ARID2: variants seen among roughly 807,000 people sequenced by gnomAD.
The protein encoded by ARID2 is AT-rich interaction domain 2.
A neutral mutation model predicts 184.6 loss-of-function variants in ARID2; 32 were observed. The observed-to-expected ratio is 0.17, with a 90% CI of 0.13 to 0.23. The LOEUF is 0.23. Ranked by LOEUF, ARID2 falls within the 10% of genes least tolerant of loss-of-function variation. The probability of loss-of-function intolerance (pLI) is 1.00; values close to 1 mark genes in which losing one functional copy is unlikely to be tolerated. For synonymous variants in ARID2, 836 were observed against 772.6 expected, an observed-to-expected ratio of 1.08 and a Z score of -1.36; for missense variants, 1,696 against 2,197.6, an observed-to-expected ratio of 0.77 and a Z score of 4.56.
rs149131176 is a variant in ARID2, at chr12:45,820,616, T to C, written c.638-804T>C. The stretch of plus-strand genomic sequence containing the variant: ...GCAGTAACTTTCATTACGGAGCTAA[T>C]GTGATAGTTGATAAAGGATTCACTT... On this transcript the variant is annotated intron_variant, in intron 5 of 20. Coordinates refer to ENST00000334344, the MANE Select transcript of ARID2 (RefSeq NM_152641.4). Among the ~76,000 whole-genome samples, 1,375 of 152,336 alleles carry C rather than the reference T, an allele frequency of 9.0e-3. 11 individuals carry two copies. The highest frequency in any genetic ancestry group is 0.017 in the Middle Eastern group (5 of 294).
At chr12:45,755,200 G>T in intron 3 of ARID2, among the ~76,000 whole-genome samples, 1 of 152,222 alleles carries the variant, frequency 6.6e-6, no homozygotes, top group Non-Finnish European at 1.5e-5. Flanking sequence ...TCTGCATATA[G>T]TGAGGATGTG....
chr12:45,855,406 T>A (rs1229607037), intron 15 of ARID2, among the ~76,000 whole-genome samples: 1 of 152,158 alleles, frequency 6.6e-6, no homozygotes, highest in Non-Finnish European at 1.5e-5. Context: ...AATTTAAAAC[T>A]TTGCAAGGAA....
At chr12:45,841,739 T>C (rs927825785) in intron 11 of ARID2, 1 of 152,176 alleles carries the variant, frequency 6.6e-6, no homozygotes, top group African/African-American at 2.4e-5. Context: ...ATACCATCAT[T>C]CATTTTTTAA....
At chr12:45,750,586 T>C (rs866748895) in intron 3 of ARID2, among the ~76,000 whole-genome samples, 6 of 152,312 alleles carry the variant, frequency 3.9e-5, no homozygotes, top group Middle Eastern at 3.4e-3. Flanking sequence ...TATGCCTGTA[T>C]TGACTTTGTT....
chr12:45,885,260 G>A (rs181644578), intron 16 of ARID2, among the ~76,000 whole-genome samples: 2 of 152,100 alleles, frequency 1.3e-5, no homozygotes, highest in African/African-American at 4.8e-5. Context: ...GATGCCAAGG[G>A]TTGAGGTACA....
At chr12:45,741,794 T>C (rs1230034854) in intron 3 of ARID2, among the ~76,000 whole-genome samples, 1 of 152,200 alleles carries the variant, frequency 6.6e-6, no homozygotes, top group Admixed American at 6.5e-5. Flanking sequence ...TGCGGAATGG[T>C]ATATAGAAAC....
intron 16 of ARID2, among the ~76,000 whole-genome samples, chr12:45,887,664 A>C (rs1944217443): frequency 6.6e-6 from 1 of 152,232 alleles, no homozygotes; most frequent in African/African-American, 2.4e-5. Flanking sequence ...AGTGAGATGG[A>C]GTCCTGCTAA....
At chr12:45,755,570 A>G (rs1046115984) in intron 3 of ARID2, among the ~76,000 whole-genome samples, 7 of 152,230 alleles carry the variant, frequency 4.6e-5, no homozygotes, top group Non-Finnish European at 1.0e-4. Context: ...TCTACTTACT[A>G]GGAAATTGGA....
intron 6 of ARID2, among the ~76,000 whole-genome samples, chr12:45,833,253 G>A (rs1943155402): frequency 6.6e-6 from 1 of 152,010 alleles, no homozygotes; most frequent in Non-Finnish European, 1.5e-5. Context: ...GACTTACTAT[G>A]GGTTTATTGG....
rs760781425 is a variant in ARID2 at position 45,817,680 on chromosome 12, T to C, written c.429T>C (p.Arg143=). 1 of 1,605,460 alleles carries C rather than the reference T, an allele frequency of 6.2e-7. No homozygotes were observed. The highest frequency in any genetic ancestry group is 8.5e-7 in the Non-Finnish European group (1 of 1,177,724). ...TTTTTTCTTTGTTAGATTATCTGCG[T>C]CAAAGTTATGGGCTGTCCATGGACT... ...YQQHSVSDYL[R]QSYGLSMDFN... Residue 143 remains arginine (R), a synonymous_variant, in exon 5 of 21, where the codon CGT becomes CGC. Coordinates refer to ENST00000334344, the MANE Select transcript of ARID2 (RefSeq NM_152641.4).
In ARID2 at chr12:45,742,258, TTTTAC is replaced by T. The variant is rs540663626; in HGVS notation, c.284+10950_284+10954del. Among the ~76,000 whole-genome samples, 217 of 152,360 alleles carry T rather than the reference TTTTAC, an allele frequency of 1.4e-3. 1 individual carries two copies. Among genetic ancestry groups the T allele is most frequent in the African/African-American group, 5.1e-3 (214 of 41,580 alleles). ...CTGTGTTTTCATAAGAATATAATAT[TTTTAC>T]TTTACCTTTTCTGTGTTTAGATATG... is the stretch of plus-strand genomic sequence containing the variant. On this transcript the variant is annotated intron_variant, in intron 3 of 20. Transcript: ENST00000334344.
intron 11 of ARID2, chr12:45,841,261 G>T (rs1943338140): frequency 6.6e-6 from 1 of 152,188 alleles, no homozygotes; most frequent in Admixed American, 6.5e-5. Flanking sequence ...TTTGACCTCA[G>T]CAAATGAACC....
intron 3 of ARID2, among the ~76,000 whole-genome samples, 165 bp from the exon 4 acceptor site, chr12:45,811,253 A>T (rs1337737550): frequency 1.3e-5 from 2 of 151,758 alleles, no homozygotes; most frequent in Non-Finnish European, 2.9e-5. Context: ...TCTGCGGTTT[A>T]TCTTACTCTA....
chr12:45,751,017 TAG>T (rs1941454552), intron 3 of ARID2, among the ~76,000 whole-genome samples: 1 of 152,318 alleles, frequency 6.6e-6, no homozygotes, highest in South Asian at 2.1e-4. Context: ...TATCTTGTGC[TAG>T]ACTCTATGCA....
intron 3 of ARID2, among the ~76,000 whole-genome samples, chr12:45,773,461 C>G (rs1180120077): frequency 6.6e-6 from 1 of 151,888 alleles, no homozygotes; most frequent in Non-Finnish European, 1.5e-5. Context: ...AAAGCTGGGT[C>G]TTTGAAAATA....
At chr12:45,777,932 C>T (rs146198156) in intron 3 of ARID2, among the ~76,000 whole-genome samples, 1 of 151,564 alleles carries the variant, frequency 6.6e-6, no homozygotes, top group African/African-American at 2.4e-5. Flanking sequence ...CCGGCCAGGC[C>T]CAGTGGCTCA....
rs1287100037 is a variant in ARID2, at chr12:45,846,891, C to T, written c.1534C>T (p.Pro512Ser). ...RAVVAQHVAPPPGIVEIDSEK... is the reference protein window; with the variant it reads ...RAVVAQHVAPSPGIVEIDSEK... ...AGTTGTAGCGCAGCATGTTGCTCCA[C>T]CTCCAGGAATAGTGGAAATAGATAG... Residue 512 changes from proline to serine, a missense_variant, in exon 12 of 21, where the codon CCT (proline) becomes TCT (serine). Transcript: ENST00000334344. 6.2e-7 allele frequency: 1 copy of T among 1,613,008 alleles called. No individual in the cohort carries two copies. Among genetic ancestry groups the T allele is most frequent in the African/African-American group, 1.3e-5 (1 of 74,952 alleles).
At position 45,905,308 on chromosome 12, in the gene ARID2, G is replaced by C; in HGVS notation, c.*230G>C. ...GAAAAAAAAAAAAGAACTGCTGTGG[G>C]ATTGTCAACCAGCTTATCTGCAGGA... On this transcript the variant is annotated 3_prime_UTR_variant, in exon 21 of 21. Coordinates refer to ENST00000334344, the MANE Select transcript of ARID2 (RefSeq NM_152641.4). The C allele has an allele frequency of 2.5e-6, 1 of 394,758 alleles. No homozygotes were observed. Among genetic ancestry groups the C allele is most frequent in the Non-Finnish European group, 4.5e-6 (1 of 223,308 alleles). 24.5% of individuals were successfully genotyped at this position (394,758 alleles called of 1,614,324 possible). A position where few individuals can be genotyped will look rare whatever the true frequency, so the allele number is the denominator to read the frequency against.
intron 16 of ARID2, among the ~76,000 whole-genome samples, chr12:45,865,883 C>CGTT (rs1306067065): frequency 6.6e-6 from 1 of 152,088 alleles, no homozygotes. Flanking sequence ...ACTCAAGACT[C>CGTT]TTAACAAAAG....
Sources: allele counts gnomAD v4.1 joint callset (sites outside exome capture counted in the v4.1 genomes callset), GRCh38; gene constraint gnomAD v4.1.1; transcripts MANE v1.5; gene names NCBI Gene and HGNC (gene_info 2026-07-23, HGNC 2026-07-21).